Variants in MEI1 observed in about 807,000 individuals in gnomAD.
MEI1 encodes meiosis inhibitor protein 1.
Under a neutral mutation model 146.2 loss-of-function variants are expected in MEI1, and 103 were observed. That is an observed-to-expected ratio of 0.70 (90% CI 0.60 to 0.83). The LOEUF is 0.83. MEI1 is among the 40% of genes least tolerant of loss of function. The pLI, the probability that MEI1 is intolerant of heterozygous loss-of-function variation, is 0.00. For missense variants in MEI1, 1,529 were observed against 1,533.0 expected (o/e 1.00, Z 0.04); for synonymous variants, 652 against 628.2 (o/e 1.04, Z -0.57).
At chr22:41,706,409 A>G (rs541457668) in intron 3 of MEI1, among the ~76,000 whole-genome samples, 1 of 152,328 alleles carries the variant, frequency 6.6e-6, no homozygotes, top group Non-Finnish European at 1.5e-5. Flanking sequence ...CCTGTCCTCT[A>G]GGAGCTTACA....
chr22:41,781,821 C>A lies in MEI1; in HGVS notation c.3063C>A (p.Ala1021=), dbSNP rs201761343. ...SAWLLTASFS[A]QQHKGSLQVH... Reference sequence around the variant, plus strand: ...GGCTGCTCACTGCCTCCTTCTCTGCCCAGCAGCACAAGGGCAGTTTGCAGG... The same window carrying A: ...GGCTGCTCACTGCCTCCTTCTCTGCACAGCAGCACAAGGGCAGTTTGCAGG... Residue 1021 remains alanine (A), a synonymous_variant, in exon 24 of 31, where the codon GCC becomes GCA. Coordinates refer to ENST00000401548, the MANE Select transcript of MEI1 (RefSeq NM_152513.4). The A allele has an allele frequency of 6.2e-7, 1 of 1,613,868 alleles. No individual in the cohort carries two copies. The highest frequency in any genetic ancestry group is 1.3e-5 in the African/African-American group (1 of 74,946).
At chr22:41,739,357 C>G (rs184232662) in intron 11 of MEI1, among the ~76,000 whole-genome samples, 28 of 152,262 alleles carry the variant, frequency 1.8e-4, no homozygotes, top group African/African-American at 6.5e-4. Context: ...GTTCCCTCAA[C>G]TTGAAGCAGT....
At chr22:41,721,237 CTTTTTTTT>C (rs984702207) in intron 6 of MEI1, among the ~76,000 whole-genome samples, 1 of 70,484 alleles carries the variant, frequency 1.4e-5, no homozygotes, top group African/African-American at 6.9e-5. Context: ...CACGCCCGTT[CTTTTTTTT>C]TTTTTTTTTT....
At chr22:41,798,576 T>C (rs148205431) in intron 30 of MEI1, among the ~76,000 whole-genome samples, 15,512 of 144,154 alleles carry the variant, frequency 0.11, 990 homozygotes, top group South Asian at 0.2. Flanking sequence ...AGACTCCGTC[T>C]CAAAAAAAAA....
chr22:41,798,913 A>C (rs955700752), intron 30 of MEI1, among the ~76,000 whole-genome samples: 4 of 150,336 alleles, frequency 2.7e-5, no homozygotes, highest in African/African-American at 9.8e-5. Context: ...GGGCTGTGGC[A>C]GTGGTCAGAG....
In MEI1 at chr22:41,703,077, T is replaced by C. The variant is rs573741519; in HGVS notation, c.175-254T>C. ...TAAATGAGCTGGTGGACAAAAATGA[T>C]TTGTGAAAAATAAATTGCTATGTAA... On this transcript the variant is annotated intron_variant, in intron 1 of 30. Coordinates refer to ENST00000401548, the MANE Select transcript of MEI1 (RefSeq NM_152513.4). 4.8e-4 allele frequency among the ~76,000 whole-genome samples: 73 copies of C among 152,286 alleles called. 1 individual carries two copies. The highest frequency in any genetic ancestry group is 5.7e-4 in the Non-Finnish European group (39 of 68,016).
At chr22:41,737,742 A>G (rs2072505141) in intron 11 of MEI1, among the ~76,000 whole-genome samples, 1 of 152,002 alleles carries the variant, frequency 6.6e-6, no homozygotes, top group South Asian at 2.1e-4. Context: ...CCCCCCACTA[A>G]AATATAAGCT....
At chr22:41,703,980 C>G (rs1202480306) in intron 2 of MEI1, among the ~76,000 whole-genome samples, 1 of 152,112 alleles carries the variant, frequency 6.6e-6, no homozygotes, top group Non-Finnish European at 1.5e-5. Context: ...AGCAAGAGTC[C>G]CGTCTCAACA....
chr22:41,735,440 G>T lies in MEI1; in HGVS notation c.1331+2837G>T, dbSNP rs1273324411. Among the ~76,000 whole-genome samples, 3 of 152,174 alleles carry T rather than the reference G, an allele frequency of 2.0e-5. No homozygotes were observed. The South Asian group carries it at 6.2e-4, about 32-fold the overall frequency. Reference sequence around the variant, plus strand: ...GTAGAGACGGGGTTTCTCCATGTTGGGCGGGCTGGTCTCGAACTGCCGACC... The same window carrying T: ...GTAGAGACGGGGTTTCTCCATGTTGTGCGGGCTGGTCTCGAACTGCCGACC... On this transcript the variant is annotated intron_variant, in intron 11 of 30. Transcript: ENST00000401548.
chr22:41,756,542 C>T (rs138813564), intron 17 of MEI1, among the ~76,000 whole-genome samples: 1,625 of 152,162 alleles, frequency 0.011, 13 homozygotes, highest in Non-Finnish European at 0.019. Flanking sequence ...GGCGTGATCT[C>T]GGCTCATTGC....
rs187274110 is a variant in MEI1, at chr22:41,760,125, C to T, written c.2120+1592C>T. Among the ~76,000 whole-genome samples the T allele has an allele frequency of 8.6e-5, 13 of 151,604 alleles. No homozygotes were observed. In the East Asian group the frequency reaches 1.6e-3, roughly 18 times the overall value. On this transcript the variant is annotated intron_variant, in intron 18 of 30. Transcript: ENST00000401548. ...GAGATCGAGACCATCATGGCTAACA[C>T]GGTGAAACCCCGTCTCTACTAAAAA...
chr22:41,711,414 G>A (rs1337114460), intron 3 of MEI1, among the ~76,000 whole-genome samples: 3 of 152,092 alleles, frequency 2.0e-5, no homozygotes, highest in Admixed American at 1.3e-4. Context: ...CTCATGATCC[G>A]TTCTGACCCC....
At chr22:41,781,245 T>A in intron 22 of MEI1, 39 bp from the exon 23 acceptor site, 1 of 1,490,218 alleles carries the variant, frequency 6.7e-7, no homozygotes, top group Non-Finnish European at 9.2e-7. Flanking sequence ...AGTGTGAGTG[T>A]TTTGCGACAG....
chr22:41,722,467 ATTTTTTTT>A (rs749033326), intron 6 of MEI1, among the ~76,000 whole-genome samples: 2 of 127,646 alleles, frequency 1.6e-5, no homozygotes, highest in Admixed American at 8.0e-5. Flanking sequence ...CAGCATTTTA[ATTTTTTTT>A]TTTTTTTTTT....
At chr22:41,723,587 T>A (rs775011259) in intron 6 of MEI1, among the ~76,000 whole-genome samples, 1 of 152,170 alleles carries the variant, frequency 6.6e-6, no homozygotes, top group Non-Finnish European at 1.5e-5. Flanking sequence ...AAAATATTTT[T>A]TGAGTTCCTG....
At chr22:41,711,241 C>T (rs570009295) in intron 3 of MEI1, among the ~76,000 whole-genome samples, 108 of 151,986 alleles carry the variant, frequency 7.1e-4, no homozygotes, top group South Asian at 2.9e-3. Context: ...GGCGCGATCT[C>T]GGCTCACTGC....
intron 3 of MEI1, among the ~76,000 whole-genome samples, chr22:41,713,740 G>A (rs1269453126): frequency 1.3e-5 from 2 of 152,116 alleles, no homozygotes; most frequent in East Asian, 3.8e-4. Flanking sequence ...TAGAGACGAG[G>A]TTTCTCCATG....
At chr22:41,748,352 C>CAGTGATG in intron 15 of MEI1, 134 bp downstream of exon 15, 1 of 674,764 alleles carries the variant, frequency 1.5e-6, no homozygotes, top group Non-Finnish European at 2.6e-6. Context: ...ATTCTTTGTC[C>CAGTGATG]AGTGATGAGT....
intron 6 of MEI1, among the ~76,000 whole-genome samples, chr22:41,722,628 C>G (rs1308489956): frequency 6.6e-6 from 1 of 151,996 alleles, no homozygotes; most frequent in South Asian, 2.1e-4. Context: ...AGGAACACAC[C>G]ATACTCTCCT....
Sources: gnomAD v4.1 joint callset for allele counts (sites outside exome capture counted in the v4.1 genomes callset) on GRCh38, gnomAD v4.1.1 for gene constraint, MANE v1.5 for transcripts, NCBI Gene and HGNC (gene_info 2026-07-23, HGNC 2026-07-21) for gene names.